The following RAB12 variants were observed in gnomAD, a reference collection of about 807,000 sequenced individuals.
The protein encoded by RAB12 is RAB12, member RAS oncogene family.
RAB12 carries 11 observed loss-of-function variants against 28.4 expected under a neutral mutation model. The observed-to-expected ratio is 0.39, with a 90% CI of 0.24 to 0.64. The LOEUF is 0.64. RAB12 is among the 30% of genes least tolerant of loss of function. The pLI is 0.50. For missense variants in RAB12, 276 were observed against 351.1 expected, an observed-to-expected ratio of 0.79 and a Z score of 1.71; for synonymous variants, 138 against 145.3, an observed-to-expected ratio of 0.95 and a Z score of 0.36.
At chr18:8,634,142 A>T (rs1406979182) in intron 3 of RAB12, among the ~76,000 whole-genome samples, 1 of 152,052 alleles carries the variant, frequency 6.6e-6, no homozygotes, top group African/African-American at 2.4e-5. Context: ...CCTCTTTAAA[A>T]TGTGTTAGGA....
chr18:8,612,846 G>A (rs2096004604), intron 1 of RAB12, among the ~76,000 whole-genome samples: 1 of 151,998 alleles, frequency 6.6e-6, no homozygotes, highest in South Asian at 2.1e-4. Context: ...TTGATTTTTA[G>A]TAGAGACAAA....
At position 8,638,726 on chromosome 18, in the gene RAB12, C is replaced by T. The variant is rs916219045; in HGVS notation, c.*464C>T. On this transcript the variant is annotated 3_prime_UTR_variant, in exon 6 of 6. Coordinates refer to ENST00000649141, the MANE Select transcript of RAB12 (RefSeq NM_001025300.3). Reference sequence around the variant, plus strand: ...TTTTCTTTATTTACAAGACATTTCCCCCAGTGGTAGCATCTGAAGTATTGG... The same window carrying T: ...TTTTCTTTATTTACAAGACATTTCCTCCAGTGGTAGCATCTGAAGTATTGG... 1 of 154,398 alleles carries T rather than the reference C, an allele frequency of 6.5e-6. No individual in the cohort carries two copies. Among genetic ancestry groups the T allele is most frequent in the Non-Finnish European group, 1.4e-5 (1 of 69,376 alleles). The allele number at this position is 154,398 out of a possible 1,614,324, so 9.6% of individuals were successfully genotyped here. A position where few individuals can be genotyped will look rare whatever the true frequency, so the allele number is the denominator to read the frequency against.
intron 2 of RAB12, among the ~76,000 whole-genome samples, chr18:8,626,043 T>G (rs1216524458): frequency 6.6e-6 from 1 of 152,210 alleles, no homozygotes; most frequent in Non-Finnish European, 1.5e-5. Context: ...ACTTCTAAGA[T>G]TTTTTGATTT....
chr18:8,627,947 G>A, intron 2 of RAB12, among the ~76,000 whole-genome samples: 1 of 152,290 alleles, frequency 6.6e-6, no homozygotes, highest in South Asian at 2.1e-4. Flanking sequence ...AAGAGGCTTT[G>A]AATTCTCCAA....
At chr18:8,628,152 G>C (rs1183354368) in intron 2 of RAB12, among the ~76,000 whole-genome samples, 1 of 152,186 alleles carries the variant, frequency 6.6e-6, no homozygotes, top group East Asian at 1.9e-4. Flanking sequence ...TGGGGAAAAA[G>C]AGGGAAATAT....
At chr18:8,610,336 CCAG>C (rs2096003089) in intron 1 of RAB12, among the ~76,000 whole-genome samples, 1 of 152,248 alleles carries the variant, frequency 6.6e-6, no homozygotes, top group African/African-American at 2.4e-5. Flanking sequence ...CCCGCCAAGG[CCAG>C]CGCGCGCCGT....
chr18:8,613,828 G>GT (rs2096005180), intron 1 of RAB12, among the ~76,000 whole-genome samples: 1 of 124,458 alleles, frequency 8.0e-6, no homozygotes, highest in Admixed American at 8.9e-5. Flanking sequence ...CCTATAAATA[G>GT]AAGTAGTAGT....
At chr18:8,613,900 C>T (rs951931228) in intron 1 of RAB12, among the ~76,000 whole-genome samples, 1 of 151,986 alleles carries the variant, frequency 6.6e-6, no homozygotes, top group Non-Finnish European at 1.5e-5. Context: ...ACTTACTACA[C>T]CAGCAGAAGG....
At chr18:8,612,443 T>A (rs1389645371) in intron 1 of RAB12, among the ~76,000 whole-genome samples, 1 of 152,170 alleles carries the variant, frequency 6.6e-6, no homozygotes, top group East Asian at 1.9e-4. Context: ...TTCATCTTCA[T>A]GTAGTGCAGT....
chr18:8,626,608 A>G (rs940668049), intron 2 of RAB12, among the ~76,000 whole-genome samples: 1 of 152,208 alleles, frequency 6.6e-6, no homozygotes, highest in Non-Finnish European at 1.5e-5. Context: ...CACTCCTGGA[A>G]TCTGACTACA....
At chr18:8,627,165 G>A (rs551544060) in intron 2 of RAB12, among the ~76,000 whole-genome samples, 11 of 152,364 alleles carry the variant, frequency 7.2e-5, no homozygotes, top group African/African-American at 2.6e-4. Flanking sequence ...GTGAGGCACA[G>A]CCCTTGTGCT....
At chr18:8,633,423 T>C in intron 3 of RAB12, 96 bp downstream of exon 3, 1 of 1,388,220 alleles carries the variant, frequency 7.2e-7, no homozygotes, top group Non-Finnish European at 1.0e-6. Context: ...TTGAGCATGT[T>C]TTCATATAGA....
chr18:8,610,554 G>A (rs1030445697), intron 1 of RAB12, among the ~76,000 whole-genome samples: 1 of 152,240 alleles, frequency 6.6e-6, no homozygotes, highest in African/African-American at 2.4e-5. Context: ...CGGGCATGGG[G>A]TTGATTCCTC....
At chr18:8,635,012 A>G (rs1469809770) in intron 3 of RAB12, among the ~76,000 whole-genome samples, 1 of 152,254 alleles carries the variant, frequency 6.6e-6, no homozygotes, top group Non-Finnish European at 1.5e-5. Flanking sequence ...ACAAAAGTAA[A>G]GAAGAAATCT....
rs532403331 is a variant in RAB12 at position 8,636,539 on chromosome 18, C to A, written c.909+182C>A. ...CCGGCCTGCTGTAGCCGTTTCCCAC[C>A]CAGGGGCTTCTGGTGTCCTTGGGGT... On this transcript the variant is annotated intron_variant, in intron 5 of 5. Transcript: ENST00000649141. Among the ~76,000 whole-genome samples the A allele has an allele frequency of 5.9e-5, 9 of 152,326 alleles. No homozygotes were observed. In the South Asian group the frequency reaches 1.7e-3, roughly 28 times the overall value.
intron 1 of RAB12, among the ~76,000 whole-genome samples, chr18:8,623,976 A>T (rs1189697912): frequency 6.6e-6 from 1 of 152,264 alleles, no homozygotes; most frequent in Non-Finnish European, 1.5e-5. Flanking sequence ...ATCTGACTGC[A>T]GCACCTCATT....
intron 1 of RAB12, among the ~76,000 whole-genome samples, chr18:8,617,813 C>T (rs910550771): frequency 6.6e-6 from 1 of 152,144 alleles, no homozygotes; most frequent in Non-Finnish European, 1.5e-5. Flanking sequence ...AGCTTGGTTA[C>T]CTTAGGCAGT....
At chr18:8,634,446 A>T (rs543847173) in intron 3 of RAB12, among the ~76,000 whole-genome samples, 1 of 151,914 alleles carries the variant, frequency 6.6e-6, no homozygotes, top group Non-Finnish European at 1.5e-5. Flanking sequence ...ATGTTCCCTG[A>T]TACGGAAGTC....
At chr18:8,621,888 A>C (rs545123051) in intron 1 of RAB12, among the ~76,000 whole-genome samples, 18 of 152,278 alleles carry the variant, frequency 1.2e-4, no homozygotes, top group African/African-American at 3.9e-4. Context: ...TTGTTTTCCT[A>C]TTAGAACTAA....
Sources: allele counts gnomAD v4.1 joint callset (sites outside exome capture counted in the v4.1 genomes callset), GRCh38; gene constraint gnomAD v4.1.1; transcripts MANE v1.5; gene names NCBI Gene and HGNC (gene_info 2026-07-23, HGNC 2026-07-21).